Variants in ZSWIM2 observed in about 807,000 individuals in gnomAD.
ZSWIM2 encodes E3 ubiquitin-protein ligase ZSWIM2.
A neutral mutation model predicts 48.4 loss-of-function variants in ZSWIM2; 38 were observed. The ratio of observed to expected loss-of-function variants is 0.79; its 90% CI spans 0.61 to 1.03. ZSWIM2 has a LOEUF of 1.03. ZSWIM2 is among the 50% of genes least tolerant of loss of function. The probability of loss-of-function intolerance (pLI) is 0.00; values close to 1 mark genes in which losing one functional copy is unlikely to be tolerated. For synonymous variants in ZSWIM2, 240 were observed against 251.3 expected, an observed-to-expected ratio of 0.96 and a Z score of 0.42; for missense variants, 776 against 730.2, an observed-to-expected ratio of 1.06 and a Z score of -0.72.
chr2:186,832,347 T>C (rs11898741), intron 7 of ZSWIM2, among the ~76,000 whole-genome samples: 27,684 of 151,742 alleles, frequency 0.18, 3,853 homozygotes, highest in African/African-American at 0.4. Flanking sequence ...GTCTCGAACT[T>C]CTGACCTCAG....
In ZSWIM2 at chr2:186,839,190, A is replaced by T. The variant is rs201880289; in HGVS notation, c.284-21T>A. ...AGCAGCTAGTGAGAAATCCCAAAGT[A>T]TTAAAATCCAGTCATAAAATTGGAG... is the stretch of plus-strand genomic sequence containing the variant. On this transcript the variant is annotated intron_variant, in intron 3 of 8. Transcript: ENST00000295131. 5 of 1,606,050 alleles carry T rather than the reference A, an allele frequency of 3.1e-6. No homozygotes were observed. The African/African-American group carries it at 6.7e-5, about 21-fold the overall frequency.
Position 186,846,490 on chromosome 2 carries a change from G to A in ZSWIM2, c.242+1229C>T, listed in dbSNP as rs114173268. On this transcript the variant is annotated intron_variant, in intron 2 of 8. Coordinates refer to ENST00000295131, the MANE Select transcript of ZSWIM2 (RefSeq NM_182521.3). Reference sequence around the variant, plus strand: ...AAAAGGTCAAAAAACAACAAATGTCGATAAGGACCTGGAGAAAGGGGAATG... The same window carrying A: ...AAAAGGTCAAAAAACAACAAATGTCAATAAGGACCTGGAGAAAGGGGAATG... Among the ~76,000 whole-genome samples, 877 of 151,784 alleles carry A rather than the reference G, an allele frequency of 5.8e-3. 14 individuals are homozygous for A. The highest frequency in any genetic ancestry group is 0.02 in the African/African-American group (819 of 41,456).
chr2:186,843,878 T>G (rs1436801946), intron 3 of ZSWIM2, among the ~76,000 whole-genome samples: 1 of 151,722 alleles, frequency 6.6e-6, no homozygotes, highest in Non-Finnish European at 1.5e-5. Flanking sequence ...TGGTAATTAA[T>G]TATCTGGTAT....
chr2:186,837,522 C>T lies in ZSWIM2; in HGVS notation c.527G>A (p.Cys176Tyr), dbSNP rs779075564. 1.2e-6 allele frequency: 2 copies of T among 1,610,650 alleles called. No individual in the cohort carries two copies. Among genetic ancestry groups the T allele is most frequent in the Admixed American group, 1.7e-5 (1 of 59,694 alleles). Reference protein sequence around the residue: ...FGCGNSIHIKCMKILANYQST... With the variant: ...FGCGNSIHIKYMKILANYQST... ...CTGATAATTAGCTAAGATCTTCATG[C>T]ATTTTATATGAATACTATTGCCACA... Residue 176 changes from cysteine (C) to tyrosine (Y), a missense_variant, in exon 5 of 9, where the codon TGC becomes TAC. Physicochemically the swap from Cys to Tyr is radical, Grantham distance 194 (BLOSUM62 -2). Coordinates refer to ENST00000295131, the MANE Select transcript of ZSWIM2 (RefSeq NM_182521.3).
At chr2:186,842,753 G>A (rs915159401) in intron 3 of ZSWIM2, among the ~76,000 whole-genome samples, 13 of 151,478 alleles carry the variant, frequency 8.6e-5, no homozygotes, top group African/African-American at 1.5e-4. Context: ...GAAATTTGAC[G>A]AGTGTGACTG....
chr2:186,829,011 T>C (rs577227747), intron 8 of ZSWIM2, among the ~76,000 whole-genome samples: 4 of 152,228 alleles, frequency 2.6e-5, no homozygotes, highest in Admixed American at 2.0e-4. Flanking sequence ...GCAAAGACTT[T>C]TATGGATAGC....
At chr2:186,829,189 A>G (rs1444399483) in intron 8 of ZSWIM2, among the ~76,000 whole-genome samples, 1 of 152,128 alleles carries the variant, frequency 6.6e-6, no homozygotes, top group African/African-American at 2.4e-5. Context: ...ACAATTAGCC[A>G]TTTTAACTAA....
In ZSWIM2 at chr2:186,849,150, G is replaced by A; in HGVS notation, c.-20C>T. The A allele has an allele frequency of 6.3e-7, 1 of 1,598,266 alleles. No homozygotes were observed. The highest frequency in any genetic ancestry group is 1.7e-5 in the Admixed American group (1 of 59,282). On this transcript the variant is annotated 5_prime_UTR_variant, in exon 1 of 9. Transcript: ENST00000295131. ...AAGCATGCTGGGTGCGGGCGGAGGC[G>A]GCCCCTCTGCTCGGCTCACTGAGGC...
rs983171693 is a variant in ZSWIM2 at position 186,849,163 on chromosome 2, G to T, written c.-33C>A. Reference sequence around the variant, plus strand: ...GCGGGCGGAGGCGGCCCCTCTGCTCGGCTCACTGAGGCGCCAGCCGGTCTC... The same window carrying T: ...GCGGGCGGAGGCGGCCCCTCTGCTCTGCTCACTGAGGCGCCAGCCGGTCTC... On this transcript the variant is annotated 5_prime_UTR_variant, in exon 1 of 9. Coordinates refer to ENST00000295131, the MANE Select transcript of ZSWIM2 (RefSeq NM_182521.3). The T allele has an allele frequency of 1.8e-5, 28 of 1,568,172 alleles. No individual in the cohort carries two copies. Among genetic ancestry groups the T allele is most frequent in the Non-Finnish European group, 2.2e-5 (25 of 1,154,218 alleles).
At chr2:186,837,196 A>G in intron 5 of ZSWIM2, 110 bp downstream of exon 5, 1 of 1,140,480 alleles carries the variant, frequency 8.8e-7, no homozygotes, top group Admixed American at 2.2e-5. Context: ...CAAGTCAAAC[A>G]GTATATGCAG....
chr2:186,827,971 A>G lies in ZSWIM2; in HGVS notation c.*13T>C, dbSNP rs1691626012. ...ATATTCAACATTCAAATATTTTCAGATAGTAAACTTTTTCACAATTGAACT... is the reference window on the plus strand; with the variant it reads ...ATATTCAACATTCAAATATTTTCAGGTAGTAAACTTTTTCACAATTGAACT... On this transcript the variant is annotated 3_prime_UTR_variant, in exon 9 of 9. Transcript: ENST00000295131. 6.5e-7 allele frequency: 1 copy of G among 1,529,174 alleles called. No homozygotes were observed. The allele number at this position is 1,529,174 out of a possible 1,614,324, so 94.7% of individuals were successfully genotyped here.
At chr2:186,847,912 A>C in intron 1 of ZSWIM2, 117 bp from the exon 2 acceptor site, 1 of 602,114 alleles carries the variant, frequency 1.7e-6, no homozygotes, top group South Asian at 2.5e-5. Flanking sequence ...AAAAAGGTTG[A>C]ATAGATTCTA....
intron 3 of ZSWIM2, among the ~76,000 whole-genome samples, chr2:186,844,121 T>C (rs1240907715): frequency 6.6e-6 from 1 of 151,660 alleles, no homozygotes; most frequent in African/African-American, 2.4e-5. Flanking sequence ...ACAATGACAG[T>C]ATCTTTATTA....
intron 3 of ZSWIM2, among the ~76,000 whole-genome samples, chr2:186,841,901 T>G (rs941112489): frequency 6.6e-6 from 1 of 151,276 alleles, no homozygotes; most frequent in Non-Finnish European, 1.5e-5. Context: ...ATTATTTAAT[T>G]CCAAAAAGAA....
In ZSWIM2 at chr2:186,837,864, A is replaced by G. The variant is rs535494083; in HGVS notation, c.495-310T>C. Among the ~76,000 whole-genome samples the G allele has an allele frequency of 1.9e-4, 28 of 151,130 alleles. No homozygotes were observed. The South Asian group carries it at 4.4e-3, about 23-fold the overall frequency. ...TTTCATTTGTAAAGTGAGAATGAAT[A>G]TAGGCTTAACACAAAGGAGAATAAT... On this transcript the variant is annotated intron_variant, in intron 4 of 8. Transcript: ENST00000295131.
chr2:186,833,887 C>A, intron 6 of ZSWIM2, 59 bp downstream of exon 6: 1 of 1,365,312 alleles, frequency 7.3e-7, no homozygotes, highest in Non-Finnish European at 1.0e-6. Flanking sequence ...CTTACACTGA[C>A]TTAGCTCTAC....
Position 186,827,907 on chromosome 2 carries a change from C to G in ZSWIM2, c.*77G>C, listed in dbSNP as rs533382048. 1 of 1,223,600 alleles carries G rather than the reference C, an allele frequency of 8.2e-7. No homozygotes were observed. Among genetic ancestry groups the G allele is most frequent in the Non-Finnish European group, 1.1e-6 (1 of 906,940 alleles). 75.8% of individuals were successfully genotyped at this position (1,223,600 alleles called of 1,614,324 possible). ...AGAATTTTATATACATTTGTCAAGA[C>G]TATGTGTGCTTTTTATGTTCTATAT... On this transcript the variant is annotated 3_prime_UTR_variant, in exon 9 of 9. Transcript: ENST00000295131.
intron 7 of ZSWIM2, among the ~76,000 whole-genome samples, 181 bp from the exon 8 acceptor site, chr2:186,830,061 C>A (rs548675800): frequency 6.6e-6 from 1 of 152,126 alleles, no homozygotes; most frequent in Non-Finnish European, 1.5e-5. Context: ...TGATCCTGAA[C>A]AATATGGATC....
At chr2:186,833,478 T>G (rs1478989052) in intron 6 of ZSWIM2, among the ~76,000 whole-genome samples, 1 of 152,184 alleles carries the variant, frequency 6.6e-6, no homozygotes, top group Non-Finnish European at 1.5e-5. Context: ...TTTTATCTTG[T>G]CTGGTAAGTA....
Sources: gnomAD v4.1 joint callset for allele counts (sites outside exome capture counted in the v4.1 genomes callset) on GRCh38, gnomAD v4.1.1 for gene constraint, MANE v1.5 for transcripts, NCBI Gene and HGNC (gene_info 2026-07-23, HGNC 2026-07-21) for gene names.